Variants in ITFG1 observed in about 807,000 individuals in gnomAD.
The protein encoded by ITFG1 is T-cell immunomodulatory protein.
ITFG1 carries 34 observed loss-of-function variants against 81.8 expected under a neutral mutation model. The ratio of observed to expected loss-of-function variants is 0.42; its 90% CI spans 0.32 to 0.55. The LOEUF is 0.55. Ranked by LOEUF, ITFG1 falls within the 20% of genes least tolerant of loss-of-function variation. ITFG1 has a pLI of 0.17. For synonymous variants in ITFG1, 285 were observed against 270.6 expected, an observed-to-expected ratio of 1.05 and a Z score of -0.52; for missense variants, 672 against 755.4, an observed-to-expected ratio of 0.89 and a Z score of 1.29.
At chr16:47,454,619 A>T (rs954931938) in intron 2 of ITFG1, among the ~76,000 whole-genome samples, 4 of 152,218 alleles carry the variant, frequency 2.6e-5, no homozygotes, top group African/African-American at 4.8e-5. Flanking sequence ...GTAAAAATTA[A>T]AAGAATCATT....
At chr16:47,201,502 C>T (rs1044551355) in intron 14 of ITFG1, among the ~76,000 whole-genome samples, 8 of 152,056 alleles carry the variant, frequency 5.3e-5, no homozygotes, top group East Asian at 1.9e-4. Context: ...CCACCGTGCC[C>T]GGCTAGGAGA....
intron 5 of ITFG1, among the ~76,000 whole-genome samples, chr16:47,431,582 TA>T (rs923677979): frequency 6.6e-6 from 1 of 152,182 alleles, no homozygotes; most frequent in Non-Finnish European, 1.5e-5. Flanking sequence ...TTTGCAGTTA[TA>T]AAATGGTGTG....
intron 6 of ITFG1, among the ~76,000 whole-genome samples, chr16:47,377,958 A>C (rs1968348012): frequency 6.6e-6 from 1 of 152,244 alleles, no homozygotes; most frequent in African/African-American, 2.4e-5. Flanking sequence ...TTATGTCTTT[A>C]AATGGAAAGT....
At chr16:47,379,720 G>T (rs1049500827) in intron 6 of ITFG1, among the ~76,000 whole-genome samples, 2 of 151,626 alleles carry the variant, frequency 1.3e-5, no homozygotes, top group Non-Finnish European at 2.9e-5. Context: ...TCTGTAGTTG[G>T]ATCACCTTTC....
intron 8 of ITFG1, among the ~76,000 whole-genome samples, chr16:47,339,992 A>G (rs1967759592): frequency 6.6e-6 from 1 of 152,196 alleles, no homozygotes; most frequent in Admixed American, 6.5e-5. Context: ...TCATCATGAA[A>G]AAGGGATACT....
chr16:47,337,488 T>C (rs897284594), intron 8 of ITFG1, among the ~76,000 whole-genome samples: 9 of 152,122 alleles, frequency 5.9e-5, no homozygotes, highest in African/African-American at 2.2e-4. Context: ...GAGAATCACC[T>C]GAAACCGGGA....
chr16:47,460,774 G>A (rs1472680610), intron 1 of ITFG1, 64 bp downstream of exon 1: 2 of 1,561,798 alleles, frequency 1.3e-6, no homozygotes, highest in Admixed American at 3.6e-5. Flanking sequence ...TGGGCAATGG[G>A]TTTGGGGAAC....
At chr16:47,347,185 C>T (rs765347352) in intron 8 of ITFG1, among the ~76,000 whole-genome samples, 7 of 152,212 alleles carry the variant, frequency 4.6e-5, no homozygotes, top group Non-Finnish European at 8.8e-5. Flanking sequence ...TGGGGCTTGT[C>T]GGACAGTGGG....
At chr16:47,175,383 T>C (rs956831488) in intron 14 of ITFG1, among the ~76,000 whole-genome samples, 2 of 151,304 alleles carry the variant, frequency 1.3e-5, no homozygotes, top group Non-Finnish European at 2.9e-5. Flanking sequence ...ATTATTTTAA[T>C]TTTAATTAAA....
chr16:47,276,743 C>G (rs1195458365), intron 10 of ITFG1, among the ~76,000 whole-genome samples: 1 of 152,122 alleles, frequency 6.6e-6, no homozygotes, highest in Non-Finnish European at 1.5e-5. Context: ...ACTGGATACA[C>G]ACAAACGTGG....
intron 5 of ITFG1, among the ~76,000 whole-genome samples, chr16:47,434,080 A>G (rs1567498887): frequency 1.3e-5 from 2 of 151,368 alleles, no homozygotes; most frequent in South Asian, 4.2e-4. Context: ...AAAGACTTAA[A>G]ATATAAAACC....
At chr16:47,315,315 T>C (rs1401190521) in intron 8 of ITFG1, among the ~76,000 whole-genome samples, 1 of 140,250 alleles carries the variant, frequency 7.1e-6, no homozygotes, top group Non-Finnish European at 1.6e-5. Context: ...TATCACAGCT[T>C]AAAAAAAAAA....
intron 14 of ITFG1, among the ~76,000 whole-genome samples, chr16:47,165,880 A>C (rs994242733): frequency 2.7e-5 from 4 of 148,622 alleles, no homozygotes; most frequent in African/African-American, 9.7e-5. Flanking sequence ...AAAATTAAAC[A>C]CAAGCTGATT....
intron 14 of ITFG1, among the ~76,000 whole-genome samples, chr16:47,201,760 CAGT>C (rs1300777493): frequency 6.6e-6 from 1 of 152,174 alleles, no homozygotes; most frequent in Non-Finnish European, 1.5e-5. Flanking sequence ...TCTTTTCTGA[CAGT>C]GGTCTAAAGT....
At chr16:47,404,625 A>G (rs1001932157) in intron 6 of ITFG1, among the ~76,000 whole-genome samples, 1 of 152,154 alleles carries the variant, frequency 6.6e-6, no homozygotes, top group Non-Finnish European at 1.5e-5. Flanking sequence ...TTTATGACAC[A>G]TACACGTATG....
At chr16:47,456,297 T>G (rs566731066) in intron 2 of ITFG1, among the ~76,000 whole-genome samples, 82 of 152,142 alleles carry the variant, frequency 5.4e-4, no homozygotes, top group Non-Finnish European at 9.8e-4. Context: ...CTTCCAAAAT[T>G]AAAACAATTT....
chr16:47,269,742 C>A (rs1966316857), intron 10 of ITFG1, among the ~76,000 whole-genome samples: 1 of 152,118 alleles, frequency 6.6e-6, no homozygotes, highest in African/African-American at 2.4e-5. Context: ...CAATAAAATT[C>A]TCAGCAGACT....
chr16:47,461,194 C>T (rs1969540627), upstream of ITFG1: 3 of 966,178 alleles, frequency 3.1e-6, no homozygotes, highest in Admixed American at 5.7e-5. Flanking sequence ...CTAGGGCTGC[C>T]CTTCCGACGC....
At chr16:47,224,053 T>C (rs1288384159) in intron 13 of ITFG1, among the ~76,000 whole-genome samples, 1 of 95,864 alleles carries the variant, frequency 1.0e-5, no homozygotes, top group South Asian at 4.0e-4. Flanking sequence ...CATCACACTC[T>C]GGGGACTGTT....
Sources: allele counts gnomAD v4.1 joint callset (sites outside exome capture counted in the v4.1 genomes callset), GRCh38; gene constraint gnomAD v4.1.1; transcripts MANE v1.5; gene names NCBI Gene and HGNC (gene_info 2026-07-23, HGNC 2026-07-21).